Variants in LUZP2 observed in about 807,000 individuals in gnomAD.
LUZP2 encodes the protein leucine zipper protein 2.
Under a neutral mutation model 51.6 loss-of-function variants are expected in LUZP2, and 52 were observed. The observed-to-expected ratio is 1.01, with a 90% confidence interval of 0.81 to 1.27. The LOEUF (loss-of-function observed/expected upper bound fraction) is 1.27. Ranked by LOEUF, LUZP2 falls within the 50% of genes most tolerant of loss-of-function variation. The pLI, the probability that LUZP2 is intolerant of heterozygous loss-of-function variation, is 0.00. For missense variants in LUZP2, 436 were observed against 395.4 expected (o/e 1.10, Z -0.87); for synonymous variants, 154 against 137.3 (o/e 1.12, Z -0.85).
chr11:24,557,738 T>A (rs953133065), intron 1 of LUZP2, among the ~76,000 whole-genome samples: 4 of 152,164 alleles, frequency 2.6e-5, no homozygotes, highest in African/African-American at 9.7e-5. Flanking sequence ...TTCAAATAAA[T>A]CTGTTACATT....
At chr11:24,675,408 G>C (rs1044789604) in intron 1 of LUZP2, among the ~76,000 whole-genome samples, 28 of 152,178 alleles carry the variant, frequency 1.8e-4, no homozygotes, top group African/African-American at 6.0e-4. Flanking sequence ...GTACAAATTA[G>C]ATGGTCAAAT....
At chr11:25,008,138 T>G (rs879452524) in intron 9 of LUZP2, among the ~76,000 whole-genome samples, 7 of 152,220 alleles carry the variant, frequency 4.6e-5, no homozygotes, top group Non-Finnish European at 8.8e-5. Flanking sequence ...CTACTGGGCT[T>G]GCTCTGCCCA....
chr11:24,773,651 G>A (rs1187611961), intron 5 of LUZP2, among the ~76,000 whole-genome samples: 2 of 152,128 alleles, frequency 1.3e-5, no homozygotes, highest in Non-Finnish European at 2.9e-5. Flanking sequence ...CATGGCTTGG[G>A]AGGTCCCTTA....
intron 7 of LUZP2, among the ~76,000 whole-genome samples, chr11:24,956,645 G>C (rs1243300111): frequency 6.6e-6 from 1 of 152,038 alleles, no homozygotes; most frequent in African/African-American, 2.4e-5. Flanking sequence ...ATGAGTCATA[G>C]GTGTAACAGG....
chr11:24,729,378 T>A, intron 2 of LUZP2, 92 bp downstream of exon 2: 1 of 635,798 alleles, frequency 1.6e-6, no homozygotes, highest in Non-Finnish European at 2.6e-6. Context: ...TAGTTTTTAA[T>A]GTGTTTCTGG....
chr11:24,619,543 A>G (rs926186786), intron 1 of LUZP2, among the ~76,000 whole-genome samples: 2 of 152,178 alleles, frequency 1.3e-5, no homozygotes, highest in African/African-American at 4.8e-5. Flanking sequence ...AAAGAATGCT[A>G]GAGCTTTTTA....
intron 1 of LUZP2, among the ~76,000 whole-genome samples, chr11:24,562,260 C>G (rs1331725670): frequency 6.6e-6 from 1 of 152,022 alleles, no homozygotes. Flanking sequence ...GTTGGCAGGG[C>G]TTCCCTTATA....
At chr11:25,070,473 C>G (rs1859121479) in intron 10 of LUZP2, among the ~76,000 whole-genome samples, 1 of 151,790 alleles carries the variant, frequency 6.6e-6, no homozygotes, top group Admixed American at 6.6e-5. Flanking sequence ...CAACCAACTA[C>G]CTGATCATAG....
chr11:24,808,734 T>G (rs1590567205), intron 5 of LUZP2, among the ~76,000 whole-genome samples: 1 of 152,162 alleles, frequency 6.6e-6, no homozygotes, highest in East Asian at 1.9e-4. Flanking sequence ...TCTATAGTCC[T>G]TAACCCTTGG....
chr11:24,960,296 T>C (rs1220870114), intron 7 of LUZP2, among the ~76,000 whole-genome samples: 6 of 152,230 alleles, frequency 3.9e-5, no homozygotes, highest in Non-Finnish European at 8.8e-5. Flanking sequence ...CCTCTTTTTC[T>C]ATTGAGTGGA....
intron 5 of LUZP2, among the ~76,000 whole-genome samples, chr11:24,824,336 A>G (rs1315711560): frequency 7.2e-6 from 1 of 139,636 alleles, no homozygotes; most frequent in East Asian, 2.3e-4. Context: ...ATTGCACTCC[A>G]GCCTGAGCAA....
chr11:24,771,766 G>A (rs75806711), intron 5 of LUZP2, among the ~76,000 whole-genome samples: 5 of 151,840 alleles, frequency 3.3e-5, no homozygotes, highest in Non-Finnish European at 2.9e-5. Context: ...AGTTTTCCCC[G>A]TACTGTTCTC....
intron 1 of LUZP2, among the ~76,000 whole-genome samples, chr11:24,654,739 G>A (rs1855747958): frequency 6.6e-6 from 1 of 150,850 alleles, no homozygotes; most frequent in Non-Finnish European, 1.5e-5. Flanking sequence ...TGGCCAGGCT[G>A]GTCTTGAGCT....
intron 1 of LUZP2, among the ~76,000 whole-genome samples, chr11:24,533,693 A>G (rs1455575286): frequency 1.3e-5 from 2 of 151,166 alleles, no homozygotes; most frequent in Non-Finnish European, 3.0e-5. Context: ...CTCTTTTAAT[A>G]CTTAGTAAAA....
At position 25,024,947 on chromosome 11, in the gene LUZP2, G is replaced by T. The variant is rs529662817; in HGVS notation, c.766-25091G>T. Among the ~76,000 whole-genome samples the T allele has an allele frequency of 4.1e-3, 620 of 150,934 alleles. 3 individuals carry two copies. The highest frequency in any genetic ancestry group is 0.01 in the Middle Eastern group (3 of 286). ...AGCATGGTACTGGTACCAAAACAGA[G>T]ATATAGACCAATGGAACAGAACAGA... is the stretch of plus-strand genomic sequence containing the variant. On this transcript the variant is annotated intron_variant, in intron 9 of 11. Coordinates refer to ENST00000336930, the MANE Select transcript of LUZP2 (RefSeq NM_001009909.4).
At chr11:24,540,541 C>T (rs1027737407) in intron 1 of LUZP2, among the ~76,000 whole-genome samples, 8 of 152,150 alleles carry the variant, frequency 5.3e-5, no homozygotes, top group Non-Finnish European at 1.0e-4. Context: ...CAGCCTGCAG[C>T]TTGATCCTGG....
intron 4 of LUZP2, among the ~76,000 whole-genome samples, chr11:24,748,548 C>G (rs1456219143): frequency 2.0e-5 from 3 of 152,030 alleles, no homozygotes; most frequent in Non-Finnish European, 4.4e-5. Flanking sequence ...CAACCTCCAC[C>G]ACCCAGGTTC....
At chr11:24,711,427 G>C (rs1857819958) in intron 1 of LUZP2, among the ~76,000 whole-genome samples, 1 of 151,400 alleles carries the variant, frequency 6.6e-6, no homozygotes, top group Non-Finnish European at 1.5e-5. Context: ...TCCAGCCTGG[G>C]CGACAGAGCG....
At chr11:24,553,321 A>G (rs1036084986) in intron 1 of LUZP2, among the ~76,000 whole-genome samples, 4 of 152,030 alleles carry the variant, frequency 2.6e-5, no homozygotes, top group African/African-American at 9.7e-5. Flanking sequence ...ATACAGTGTA[A>G]TAATTTAGAA....
Sources: allele counts gnomAD v4.1 joint callset (sites outside exome capture counted in the v4.1 genomes callset), GRCh38; gene constraint gnomAD v4.1.1; transcripts MANE v1.5; gene names NCBI Gene and HGNC (gene_info 2026-07-23, HGNC 2026-07-21).